Variants in MYLK observed in about 807,000 individuals in gnomAD.
MYLK encodes the protein myosin light chain kinase, also known as myosin light chain kinase, smooth muscle.
A neutral mutation model predicts 203.4 loss-of-function variants in MYLK; 106 were observed. The ratio of observed to expected loss-of-function variants is 0.52; its 90% CI spans 0.45 to 0.61. MYLK has a LOEUF of 0.61. Among genes scored for constraint, MYLK ranks in the 20% least tolerant of loss-of-function variants. MYLK has a pLI of 0.00. For missense variants in MYLK, 2,072 were observed against 2,442.3 expected, an observed-to-expected ratio of 0.85 and a Z score of 3.20; for synonymous variants, 867 against 959.5, an observed-to-expected ratio of 0.90 and a Z score of 1.78.
chr3:123,798,466 T>C (rs933437103), intron 3 of MYLK, among the ~76,000 whole-genome samples: 5 of 152,040 alleles, frequency 3.3e-5, no homozygotes, highest in Admixed American at 1.3e-4. Context: ...AGCTGGAAGC[T>C]AGGAGTGGTG....
At chr3:123,781,429 G>A (rs2109033203) in intron 4 of MYLK, among the ~76,000 whole-genome samples, 1 of 152,312 alleles carries the variant, frequency 6.6e-6, no homozygotes, top group East Asian at 1.9e-4. Context: ...TGCTCTTAGA[G>A]GCACTGGCCC....
chr3:123,769,267 AT>A (rs1488564599), intron 4 of MYLK, among the ~76,000 whole-genome samples: 1 of 152,238 alleles, frequency 6.6e-6, no homozygotes, highest in Non-Finnish European at 1.5e-5. Flanking sequence ...CAACATCAAA[AT>A]ACTGGAACTC....
chr3:123,617,398 C>T (rs909061953), intron 33 of MYLK: 11 of 152,104 alleles, frequency 7.2e-5, no homozygotes, highest in South Asian at 2.1e-4. Context: ...ATCCCCAGTC[C>T]GAGAATTTTC....
intron 13 of MYLK, among the ~76,000 whole-genome samples, chr3:123,719,719 C>T (rs1293897900): frequency 6.6e-6 from 1 of 152,224 alleles, no homozygotes; most frequent in Non-Finnish European, 1.5e-5. Flanking sequence ...TGCTCCCCAC[C>T]GTGGCCTGGT....
intron 2 of MYLK, among the ~76,000 whole-genome samples, chr3:123,848,946 A>G (rs1560287949): frequency 6.6e-6 from 1 of 152,108 alleles, no homozygotes; most frequent in Non-Finnish European, 1.5e-5. Flanking sequence ...AATTTATAGT[A>G]ATACCTATTC....
chr3:123,806,677 T>A (rs1577032593), intron 3 of MYLK, among the ~76,000 whole-genome samples: 1 of 152,152 alleles, frequency 6.6e-6, no homozygotes, highest in Admixed American at 6.5e-5. Flanking sequence ...TTATTTATTT[T>A]TTGAGATGGA....
rs529243408 is a variant in MYLK at position 123,610,524 on chromosome 3, A to G, written c.*3581T>C. 3 of 152,220 alleles carry G rather than the reference A, an allele frequency of 2.0e-5. No individual in the cohort carries two copies. Among genetic ancestry groups the G allele is most frequent in the African/African-American group, 7.2e-5 (3 of 41,450 alleles). 9.4% of individuals were successfully genotyped at this position (152,220 alleles called of 1,614,324 possible). A position where few individuals can be genotyped will look rare whatever the true frequency, so the allele number is the denominator to read the frequency against. ...ATAAATGCTCTGGTCCCGAGGGTAC[A>G]TACATCACTTCTGGTCACAGCTCAC... On this transcript the variant is annotated 3_prime_UTR_variant, in exon 34 of 34. Transcript: ENST00000360304.
intron 3 of MYLK, among the ~76,000 whole-genome samples, chr3:123,797,615 G>T (rs749446925): frequency 6.6e-6 from 1 of 152,160 alleles, no homozygotes. Flanking sequence ...ATGAAGGTGG[G>T]GACAGGTATC....
At chr3:123,771,938 T>A (rs2063898891) in intron 4 of MYLK, among the ~76,000 whole-genome samples, 1 of 152,154 alleles carries the variant, frequency 6.6e-6, no homozygotes, top group African/African-American at 2.4e-5. Flanking sequence ...TGCATAAAGT[T>A]GAAAATGTAA....
intron 3 of MYLK, among the ~76,000 whole-genome samples, chr3:123,828,611 A>T (rs2066217229): frequency 6.6e-6 from 1 of 152,202 alleles, no homozygotes; most frequent in African/African-American, 2.4e-5. Context: ...AAATAGTATT[A>T]TATCAAATGA....
chr3:123,750,023 C>A (rs1173187263), intron 5 of MYLK, among the ~76,000 whole-genome samples: 1 of 152,224 alleles, frequency 6.6e-6, no homozygotes, highest in African/African-American at 2.4e-5. Flanking sequence ...GCTAGCCTGG[C>A]ACAGCCAGCA....
At position 123,708,781 on chromosome 3, in the gene MYLK, A is replaced by T. The variant is rs2061563971; in HGVS notation, c.2057T>A (p.Phe686Tyr). ...TQHSLCIQEVFPEDTGTYTCE... is the reference protein window; with the variant it reads ...TQHSLCIQEVYPEDTGTYTCE... ...GGTGTACGTGCCCGTGTCCTCCGGG[A>T]ACACTTCCTGGATACAAAGGCTGTG... The change falls in exon 15 of 34, where the codon TTC (phenylalanine) becomes TAC (tyrosine). Residue 686 changes from phenylalanine to tyrosine, a missense_variant. Phe to Tyr is a conservative substitution (Grantham distance 22). This residue lies in a region of MYLK where 865 missense variants were observed against 1,016.0 expected (regional missense o/e 0.85). Coordinates refer to ENST00000360304, the MANE Select transcript of MYLK (RefSeq NM_053025.4). 1 of 1,613,970 alleles carries T rather than the reference A, an allele frequency of 6.2e-7. No homozygotes were observed. Among genetic ancestry groups the T allele is most frequent in the African/African-American group, 1.3e-5 (1 of 74,874 alleles).
intron 8 of MYLK, 155 bp downstream of exon 8, chr3:123,737,223 G>GAAAAA: frequency 3.2e-6 from 2 of 617,740 alleles, no homozygotes; most frequent in South Asian, 2.0e-5. Flanking sequence ...TGTCTGAAGA[G>GAAAAA]AAAAAAAAAA....
intron 16 of MYLK, among the ~76,000 whole-genome samples, chr3:123,703,986 C>T (rs1383309529): frequency 2.6e-5 from 4 of 152,218 alleles, no homozygotes; most frequent in African/African-American, 7.2e-5. Context: ...TGGAGTAAGC[C>T]GATTCTCCCC....
rs565294879 is a variant in MYLK at position 123,684,612 on chromosome 3, TCTCGGCTCA to T, written c.3566-2311_3566-2303del. The stretch of plus-strand genomic sequence containing the variant: ...CCCAGGCTGGACTGCAGTGACATGA[TCTCGGCTCA>T]CTGCAACCTCTGCCTCCCAGGTTCA... On this transcript the variant is annotated intron_variant, in intron 19 of 33. Transcript: ENST00000360304. Among the ~76,000 whole-genome samples, 431 of 152,266 alleles carry T rather than the reference TCTCGGCTCA, an allele frequency of 2.8e-3. 2 individuals carry two copies. Among genetic ancestry groups the T allele is most frequent in the African/African-American group, 0.01 (416 of 41,544 alleles).
intron 33 of MYLK, among the ~76,000 whole-genome samples, chr3:123,614,696 G>A (rs931672456): frequency 2.0e-5 from 3 of 151,594 alleles, no homozygotes; most frequent in Non-Finnish European, 2.9e-5. Flanking sequence ...TGGCATGATC[G>A]TAGCTTACTG....
chr3:123,737,143 TG>T, intron 8 of MYLK: 2 of 521,662 alleles, frequency 3.8e-6, no homozygotes, highest in Non-Finnish European at 6.9e-6. Context: ...CGCTTGAACC[TG>T]GGTGGCGGAG....
chr3:123,625,530 C>T (rs1342631525), intron 31 of MYLK, among the ~76,000 whole-genome samples: 3 of 150,758 alleles, frequency 2.0e-5, no homozygotes, highest in African/African-American at 4.9e-5. Flanking sequence ...AATTCTAGGT[C>T]GGGAGTGGTG....
At chr3:123,686,359 C>A (rs820374) in intron 19 of MYLK, among the ~76,000 whole-genome samples, 129,746 of 150,118 alleles carry the variant, frequency 0.86, 58,952 homozygotes, top group Non-Finnish European at 1. Flanking sequence ...GACTCAAGCT[C>A]TCTGGGCAGC....
Sources: allele counts gnomAD v4.1 joint callset (sites outside exome capture counted in the v4.1 genomes callset), GRCh38; gene constraint gnomAD v4.1.1; regional missense constraint gnomAD v4.1.1; transcripts MANE v1.5; gene names NCBI Gene and HGNC (gene_info 2026-07-23, HGNC 2026-07-21).